The following RBFOX1 variants were observed in gnomAD, a reference collection of about 807,000 sequenced individuals.
RBFOX1 encodes the protein RNA binding fox-1 homolog 1.
RBFOX1 carries 8 observed loss-of-function variants against 57.7 expected under a neutral mutation model. The ratio of observed to expected loss-of-function variants is 0.14; its 90% CI spans 0.08 to 0.25. The LOEUF is 0.25. Ranked by LOEUF, RBFOX1 falls within the 10% of genes least tolerant of loss-of-function variation. The probability of loss-of-function intolerance (pLI) is 1.00; values close to 1 mark genes in which losing one functional copy is unlikely to be tolerated. For missense variants in RBFOX1, 611 were observed against 548.5 expected (o/e 1.11, Z -1.14); for synonymous variants, 326 against 222.4 (o/e 1.47, Z -4.15).
intron 4 of RBFOX1, among the ~76,000 whole-genome samples, chr16:7,247,845 T>C (rs941574582): frequency 1.6e-4 from 25 of 152,100 alleles, no homozygotes; most frequent in African/African-American, 6.0e-4. Flanking sequence ...TGATGAGGAC[T>C]CATGGACCCA....
chr16:6,178,277 C>G (rs2097030705), intron 1 of RBFOX1, among the ~76,000 whole-genome samples: 1 of 144,040 alleles, frequency 6.9e-6, no homozygotes, highest in South Asian at 2.2e-4. Context: ...ACCTCTGTCT[C>G]CCAGGTTCAA....
At chr16:6,946,515 C>T (rs972213950) in intron 3 of RBFOX1, among the ~76,000 whole-genome samples, 1 of 152,184 alleles carries the variant, frequency 6.6e-6, no homozygotes, top group Non-Finnish European at 1.5e-5. Context: ...TTACATCTCC[C>T]ATCCCTACTG....
At chr16:6,042,764 C>A (rs573658456) in intron 1 of RBFOX1, among the ~76,000 whole-genome samples, 3 of 152,158 alleles carry the variant, frequency 2.0e-5, no homozygotes, top group African/African-American at 7.2e-5. Flanking sequence ...CAAATCAGTA[C>A]ATGAAAGGTA....
At chr16:6,467,421 T>G (rs2095074622) in intron 2 of RBFOX1, among the ~76,000 whole-genome samples, 1 of 152,178 alleles carries the variant, frequency 6.6e-6, no homozygotes, top group African/African-American at 2.4e-5. Context: ...ATGTTACTGT[T>G]AAATAAGTTG....
chr16:5,348,654 A>G (rs2065195691), intron 1 of RBFOX1, among the ~76,000 whole-genome samples: 1 of 152,236 alleles, frequency 6.6e-6, no homozygotes, highest in Non-Finnish European at 1.5e-5. Flanking sequence ...ACGTGAATTT[A>G]TATAAATAGT....
intron 4 of RBFOX1, among the ~76,000 whole-genome samples, chr16:7,470,425 A>G (rs1001246149): frequency 6.6e-6 from 1 of 152,084 alleles, no homozygotes; most frequent in Non-Finnish European, 1.5e-5. Context: ...GGATGGATAG[A>G]GGGATGGTTG....
At chr16:6,821,470 C>T (rs2091290395) in intron 3 of RBFOX1, among the ~76,000 whole-genome samples, 1 of 152,146 alleles carries the variant, frequency 6.6e-6, no homozygotes, top group South Asian at 2.1e-4. Context: ...TAATGTTGTG[C>T]AACTACCACC....
intron 2 of RBFOX1, among the ~76,000 whole-genome samples, chr16:5,526,577 C>G (rs1291297264): frequency 6.6e-6 from 1 of 152,310 alleles, no homozygotes; most frequent in Non-Finnish European, 1.5e-5. Flanking sequence ...GTGTGAGCCA[C>G]CACACCTGGC....
chr16:7,674,376 A>G (rs905926290), intron 13 of RBFOX1, among the ~76,000 whole-genome samples: 1 of 152,188 alleles, frequency 6.6e-6, no homozygotes, highest in Non-Finnish European at 1.5e-5. Flanking sequence ...GTTACCTTTC[A>G]AGAGTTCAAT....
intron 11 of RBFOX1, among the ~76,000 whole-genome samples, chr16:7,634,312 A>G (rs776179219): frequency 6.6e-6 from 1 of 151,936 alleles, no homozygotes; most frequent in Non-Finnish European, 1.5e-5. Context: ...ACAGACTTGC[A>G]AGATAACTCT....
At chr16:5,607,997 C>T (rs761224868) in intron 3 of RBFOX1, among the ~76,000 whole-genome samples, 8 of 152,098 alleles carry the variant, frequency 5.3e-5, no homozygotes, top group East Asian at 1.9e-4. Context: ...GTTTGGTGGA[C>T]GCAGGTACTC....
intron 3 of RBFOX1, among the ~76,000 whole-genome samples, chr16:7,033,402 C>T (rs1386691953): frequency 6.6e-6 from 1 of 152,154 alleles, no homozygotes; most frequent in Non-Finnish European, 1.5e-5. Context: ...TGCCTGTAAT[C>T]CCAGCTACTT....
chr16:7,035,263 T>G (rs1270292523), intron 3 of RBFOX1, among the ~76,000 whole-genome samples: 1 of 152,066 alleles, frequency 6.6e-6, no homozygotes, highest in Non-Finnish European at 1.5e-5. Context: ...GTACTTGGGA[T>G]TCCGCACCCT....
At chr16:7,211,219 G>A (rs545109352) in intron 4 of RBFOX1, among the ~76,000 whole-genome samples, 7 of 151,650 alleles carry the variant, frequency 4.6e-5, no homozygotes, top group Admixed American at 1.3e-4. Flanking sequence ...GTTAAACCCC[G>A]TCTCTACTAA....
chr16:6,319,265 A>G (rs1041299062), intron 2 of RBFOX1, among the ~76,000 whole-genome samples: 5 of 152,118 alleles, frequency 3.3e-5, no homozygotes, highest in Non-Finnish European at 5.9e-5. Context: ...GGCTTCAGAA[A>G]ATTAATTTTC....
At chr16:6,028,397 G>A (rs1369300725) in intron 1 of RBFOX1, among the ~76,000 whole-genome samples, 1 of 151,646 alleles carries the variant, frequency 6.6e-6, no homozygotes, top group Non-Finnish European at 1.5e-5. Flanking sequence ...TGATGACCGG[G>A]CATGGTGGCT....
intron 1 of RBFOX1, among the ~76,000 whole-genome samples, chr16:6,071,199 T>TA (rs1384561298): frequency 6.6e-6 from 1 of 152,078 alleles, no homozygotes; most frequent in African/African-American, 2.4e-5. Context: ...CACATGCCTG[T>TA]AGGACCAGCT....
chr16:6,008,699 G>A lies in RBFOX1; in HGVS notation c.351+141364G>A, dbSNP rs1596394045. Among the ~76,000 whole-genome samples the A allele has an allele frequency of 2.0e-5, 3 of 152,306 alleles. No individual in the cohort carries two copies. In the Middle Eastern group the frequency reaches 0.01, roughly 518 times the overall value. On this transcript the variant is annotated intron_variant, in intron 4 of 19. Coordinates refer to the RBFOX1 transcript ENST00000641259. ...AGAACCCAGAGGAAAGATGGACACAGCACCCTGGCAGAGCGTTTAGCCTTG... is the reference window on the plus strand; with the variant it reads ...AGAACCCAGAGGAAAGATGGACACAACACCCTGGCAGAGCGTTTAGCCTTG...
chr16:7,002,162 A>G (rs2092877097), intron 3 of RBFOX1, among the ~76,000 whole-genome samples: 1 of 152,008 alleles, frequency 6.6e-6, no homozygotes, highest in Non-Finnish European at 1.5e-5. Context: ...GTGGCCATCC[A>G]CCTCTCAGTG....
Sources: allele counts gnomAD v4.1 joint callset (sites outside exome capture counted in the v4.1 genomes callset), GRCh38; gene constraint gnomAD v4.1.1; transcripts MANE v1.5; gene names NCBI Gene and HGNC (gene_info 2026-07-23, HGNC 2026-07-21).